The following GDPD1 variants were observed in gnomAD, a reference collection of about 807,000 sequenced individuals.
GDPD1 encodes lysophospholipase D GDPD1.
A neutral mutation model predicts 45.1 loss-of-function variants in GDPD1; 28 were observed. The observed-to-expected ratio is 0.62, with a 90% CI of 0.46 to 0.85. The LOEUF (loss-of-function observed/expected upper bound fraction) is 0.85. Among genes scored for constraint, GDPD1 ranks in the 40% least tolerant of loss-of-function variants. The pLI is 0.00. For missense variants in GDPD1, 256 were observed against 364.8 expected, an observed-to-expected ratio of 0.70 and a Z score of 2.43; for synonymous variants, 139 against 131.4, an observed-to-expected ratio of 1.06 and a Z score of -0.40.
At chr17:59,235,531 G>A (rs1414682933) in intron 2 of GDPD1, among the ~76,000 whole-genome samples, 1 of 151,950 alleles carries the variant, frequency 6.6e-6, no homozygotes, top group Non-Finnish European at 1.5e-5. Flanking sequence ...TAAAATTTTG[G>A]CCAGGCATGG....
chr17:59,268,594 A>AAG (rs1568351861), intron 7 of GDPD1, among the ~76,000 whole-genome samples: 3 of 149,222 alleles, frequency 2.0e-5, no homozygotes, highest in African/African-American at 7.5e-5. Flanking sequence ...AAAAAAAAAA[A>AAG]AAAAAAAAGA....
chr17:59,263,344 G>A (rs2047372624), intron 6 of GDPD1, among the ~76,000 whole-genome samples: 1 of 151,936 alleles, frequency 6.6e-6, no homozygotes, highest in Non-Finnish European at 1.5e-5. Context: ...CTCACTTTTG[G>A]CCTGTAATCA....
intron 6 of GDPD1, among the ~76,000 whole-genome samples, chr17:59,259,831 G>A (rs1015024513): frequency 6.6e-5 from 10 of 150,540 alleles, no homozygotes; most frequent in East Asian, 1.9e-4. Flanking sequence ...AGGCCAAGGC[G>A]GACAGATCAC....
rs139642561 is a variant in GDPD1 at position 59,264,106 on chromosome 17, C to T, written c.577-2935C>T. ...CTCCGCCTGCTGGGTTCAAGCAATT[C>T]TCCTGTCTCAGCCTCCTGAGTAGCT... is the stretch of plus-strand genomic sequence containing the variant. On this transcript the variant is annotated intron_variant, in intron 6 of 9. Transcript: ENST00000284116. 9.1e-3 allele frequency among the ~76,000 whole-genome samples: 1,392 copies of T among 152,284 alleles called. 26 individuals carry two copies. Among genetic ancestry groups the T allele is most frequent in the African/African-American group, 0.031 (1,300 of 41,550 alleles).
intron 1 of GDPD1, among the ~76,000 whole-genome samples, chr17:59,234,244 A>C (rs2047114037): frequency 6.6e-6 from 1 of 152,070 alleles, no homozygotes; most frequent in East Asian, 1.9e-4. Flanking sequence ...CCAGCTGCTC[A>C]GGAGGCTGAG....
At chr17:59,228,305 A>G (rs2047063510) in intron 1 of GDPD1, among the ~76,000 whole-genome samples, 1 of 152,190 alleles carries the variant, frequency 6.6e-6, no homozygotes, top group South Asian at 2.1e-4. Flanking sequence ...TTGGAGACCA[A>G]GCATCCTAAA....
intron 3 of GDPD1, among the ~76,000 whole-genome samples, chr17:59,248,215 A>G (rs1260433344): frequency 6.6e-6 from 1 of 151,852 alleles, no homozygotes; most frequent in Non-Finnish European, 1.5e-5. Flanking sequence ...CTGAGGATCC[A>G]CTGAGCTCAG....
intron 4 of GDPD1, among the ~76,000 whole-genome samples, chr17:59,252,971 G>A (rs986656024): frequency 3.3e-5 from 5 of 152,202 alleles, no homozygotes; most frequent in Non-Finnish European, 4.4e-5. Flanking sequence ...TTCAGCCTGG[G>A]CAACAGATCG....
At chr17:59,233,403 T>G (rs2047106540) in intron 1 of GDPD1, among the ~76,000 whole-genome samples, 1 of 149,178 alleles carries the variant, frequency 6.7e-6, no homozygotes, top group African/African-American at 2.5e-5. Context: ...TCCCAGCTAC[T>G]CGGGAGGCTG....
intron 2 of GDPD1, among the ~76,000 whole-genome samples, chr17:59,237,073 G>A (rs1236473708): frequency 6.6e-6 from 1 of 151,628 alleles, no homozygotes; most frequent in East Asian, 1.9e-4. Flanking sequence ...TTTCATACTT[G>A]TTTCATTGAA....
At chr17:59,267,370 A>G (rs1568351427) in intron 7 of GDPD1, among the ~76,000 whole-genome samples, 196 bp downstream of exon 7, 1 of 152,200 alleles carries the variant, frequency 6.6e-6, no homozygotes, top group African/African-American at 2.4e-5. Context: ...CCCATCTCAG[A>G]TTATGATTTT....
intron 3 of GDPD1, among the ~76,000 whole-genome samples, chr17:59,247,613 T>C (rs1444565288): frequency 6.6e-6 from 1 of 152,166 alleles, no homozygotes; most frequent in East Asian, 1.9e-4. Flanking sequence ...GTTTTCACCA[T>C]TGTAGATAAC....
chr17:59,258,120 T>G (rs2047323919), intron 6 of GDPD1, among the ~76,000 whole-genome samples: 1 of 151,916 alleles, frequency 6.6e-6, no homozygotes, highest in Non-Finnish European at 1.5e-5. Context: ...AGAGATGAGG[T>G]CTCACTATAT....
chr17:59,226,419 A>G (rs1455497164), intron 1 of GDPD1, among the ~76,000 whole-genome samples: 1 of 152,076 alleles, frequency 6.6e-6, no homozygotes, highest in African/African-American at 2.4e-5. Context: ...TAACCAAGTG[A>G]ACCTAAAATC....
chr17:59,253,534 C>CT (rs1007998155), intron 4 of GDPD1, among the ~76,000 whole-genome samples: 19 of 152,204 alleles, frequency 1.2e-4, no homozygotes, highest in East Asian at 3.9e-4. Flanking sequence ...CACTATAGCA[C>CT]TTTTTTTGCC....
At chr17:59,263,566 C>T (rs1327766507) in intron 6 of GDPD1, among the ~76,000 whole-genome samples, 1 of 149,554 alleles carries the variant, frequency 6.7e-6, no homozygotes, top group Non-Finnish European at 1.5e-5. Context: ...ACAACCTCCA[C>T]CTCCCGGGTT....
At position 59,274,116 on chromosome 17, in the gene GDPD1, A is replaced by T; in HGVS notation, c.*343A>T. 1 of 786,724 alleles carries T rather than the reference A, an allele frequency of 1.3e-6. No individual in the cohort carries two copies. Among genetic ancestry groups the T allele is most frequent in the Non-Finnish European group, 1.5e-6 (1 of 649,430 alleles). The allele number at this position is 786,724 out of a possible 1,614,324, so 48.7% of individuals were successfully genotyped here. ...TACTACATCATCTACAGAAATCTTGATCAATAACCTAGAAACTAGGTTATC... is the reference window on the plus strand; with the variant it reads ...TACTACATCATCTACAGAAATCTTGTTCAATAACCTAGAAACTAGGTTATC... On this transcript the variant is annotated 3_prime_UTR_variant, in exon 10 of 10. Transcript: ENST00000284116.
At chr17:59,240,148 T>G (rs970894653) in intron 2 of GDPD1, among the ~76,000 whole-genome samples, 1 of 151,924 alleles carries the variant, frequency 6.6e-6, no homozygotes, top group African/African-American at 2.4e-5. Context: ...AAAAATTAGT[T>G]GGCGTGGTGA....
Position 59,234,532 on chromosome 17 carries a change from G to A in GDPD1, c.183G>A (p.Gln61=). 1 of 1,600,286 alleles carries A rather than the reference G, an allele frequency of 6.2e-7. No homozygotes were observed. The highest frequency in any genetic ancestry group is 8.6e-7 in the Non-Finnish European group (1 of 1,168,790). ...TGGAGAATACAATGGCAGCCTTTCAGCAGTAAGTATGTAAAAAAGGTAAAA... is the reference window on the plus strand; with the variant it reads ...TGGAGAATACAATGGCAGCCTTTCAACAGTAAGTATGTAAAAAAGGTAAAA... ...ENLENTMAAF[Q]HAVKIGTDML... The change falls in exon 2 of 10, where the codon CAG becomes CAA. Residue 61 remains glutamine (Q), a splice_region_variant and synonymous_variant. Coordinates refer to ENST00000284116, the MANE Select transcript of GDPD1 (RefSeq NM_182569.4).
Sources: gnomAD v4.1 joint callset for allele counts (sites outside exome capture counted in the v4.1 genomes callset) on GRCh38, gnomAD v4.1.1 for gene constraint, MANE v1.5 for transcripts, NCBI Gene and HGNC (gene_info 2026-07-23, HGNC 2026-07-21) for gene names.